Variants in ACRBP observed in about 807,000 individuals in gnomAD.
ACRBP encodes acrosin-binding protein.
ACRBP carries 52 observed loss-of-function variants against 69.0 expected under a neutral mutation model. That is an observed-to-expected ratio of 0.75 (90% CI 0.60 to 0.95). The LOEUF (loss-of-function observed/expected upper bound fraction) is 0.95. Among genes scored for constraint, ACRBP ranks in the 40% least tolerant of loss-of-function variants. ACRBP has a pLI of 0.00. For missense variants in ACRBP, 604 were observed against 673.0 expected (o/e 0.90, Z 1.13); for synonymous variants, 267 against 258.9 (o/e 1.03, Z -0.30).
intron 5 of ACRBP, 147 bp from the exon 6 acceptor site, chr12:6,643,818 T>A: frequency 8.3e-7 from 1 of 1,209,120 alleles, no homozygotes; most frequent in Non-Finnish European, 1.1e-6. Flanking sequence ...TCTGGACAAA[T>A]CGCCTCATTT....
rs1555077932 is a variant in ACRBP at position 6,640,493 on chromosome 12, C to T, written c.1107G>A (p.Met369Ile). The change falls in exon 7 of 10, where the codon ATG becomes ATA. Residue 369 changes from methionine (M) to isoleucine (I), a missense_variant. Met to Ile is a conservative substitution (Grantham distance 10). Around this residue, in one of 3 missense-constraint regions of ACRBP, gnomAD observed 532 missense variants for 562.9 expected, o/e 0.95. Transcript: ENST00000229243. The surrounding 1 kb of genome is among the most constrained non-coding windows in gnomAD (Gnocchi z 5.3). ...AGAAGTCACAGAGGGCACAGGTAGA[C>T]ATGTGTCGCCGCCCAAGGCTGTCAC... ...SVCDSLGRRH[M>I]STCALCDFCS... is the part of the protein sequence containing the mutation. 3 of 1,614,052 alleles carry T rather than the reference C, an allele frequency of 1.9e-6. No homozygotes were observed. In the Admixed American group the frequency reaches 5.0e-5, roughly 27 times the overall value.
intron 1 of ACRBP, 80 bp downstream of exon 1, chr12:6,647,244 A>G (rs903352771): frequency 6.8e-7 from 1 of 1,476,072 alleles, no homozygotes. Flanking sequence ...GAAGCGATCC[A>G]GAAACCGTAA....
At position 6,640,828 on chromosome 12, in the gene ACRBP, T is replaced by A. The variant is rs1422872562; in HGVS notation, c.1078-306A>T. On this transcript the variant is annotated intron_variant, in intron 6 of 9. Coordinates refer to ENST00000229243, the MANE Select transcript of ACRBP (RefSeq NM_032489.3). The surrounding 1 kb of genome is among the most constrained non-coding windows in gnomAD (Gnocchi z 5.3). ...CTCCAAATCCTCATTGCCAAGTGCC[T>A]GACAGATGTCTGTGATTGGGTGATC... Among the ~76,000 whole-genome samples the A allele has an allele frequency of 6.6e-6, 1 of 152,180 alleles. No individual in the cohort carries two copies. The highest frequency in any genetic ancestry group is 1.5e-5 in the Non-Finnish European group (1 of 68,024).
rs1164286892 is a variant in ACRBP at position 6,638,568 on chromosome 12, G to A, written c.1510-164C>T. On this transcript the variant is annotated intron_variant, in intron 9 of 9. Coordinates refer to ENST00000229243, the MANE Select transcript of ACRBP (RefSeq NM_032489.3). ...CAAATGTGGGTTTTTAAAGCCAGAG[G>A]AGACATCAAGCAGCCCAACCCCTTT... is the stretch of plus-strand genomic sequence containing the variant. 6.2e-5 allele frequency: 76 copies of A among 1,227,720 alleles called. No individual in the cohort carries two copies. The Admixed American group carries it at 1.7e-3, about 28-fold the overall frequency. The allele number at this position is 1,227,720 out of a possible 1,614,324, so 76.1% of individuals were successfully genotyped here.
At position 6,647,384 on chromosome 12, in the gene ACRBP, C is replaced by T. The variant is rs1477839526; in HGVS notation, c.-18G>A. The T allele has an allele frequency of 1.3e-6, 2 of 1,520,764 alleles. No homozygotes were observed. Among genetic ancestry groups the T allele is most frequent in the African/African-American group, 1.4e-5 (1 of 71,468 alleles). 94.2% of individuals were successfully genotyped at this position (1,520,764 alleles called of 1,614,324 possible). On this transcript the variant is annotated 5_prime_UTR_variant, in exon 1 of 10. Transcript: ENST00000229243. ...TTCCTCATGGCCGGAGAAGATCCGC[C>T]CGCGTCCCGTGGACACAAGCCGCCT...
Position 6,640,285 on chromosome 12 carries a change from C to A in ACRBP, c.1257+58G>T. On this transcript the variant is annotated intron_variant, in intron 7 of 9. Coordinates refer to ENST00000229243, the MANE Select transcript of ACRBP (RefSeq NM_032489.3). The surrounding 1 kb of genome is among the most constrained non-coding windows in gnomAD (Gnocchi z 5.3). The stretch of plus-strand genomic sequence containing the variant: ...CCCCTCCCCACCTGCTGGCCACCAC[C>A]ACCCCACCCCTGCCACCCAGTTCTG... 1 of 1,612,558 alleles carries A rather than the reference C, an allele frequency of 6.2e-7. No homozygotes were observed.
rs1415266287 is a variant in ACRBP at position 6,644,544 on chromosome 12, G to A, written c.537C>T (p.Leu179=). Residue 179 remains leucine (L), a synonymous_variant, in exon 5 of 10, where the codon CTC becomes CTT. Coordinates refer to ENST00000229243, the MANE Select transcript of ACRBP (RefSeq NM_032489.3). ...CTCCCAGGGACAAGGAGGATTGTAG[G>A]AGCTCTTCCACGTTGTTGCTGAGCC... ...PERLSNNVEE[L]LQSSLSLGGQ... The A allele has an allele frequency of 8.7e-6, 14 of 1,613,904 alleles. No individual in the cohort carries two copies. The highest frequency in any genetic ancestry group is 1.1e-5 in the Non-Finnish European group (13 of 1,180,016).
rs368274050 is a variant in ACRBP, at chr12:6,640,256, C to T, written c.1258-29G>A. 3.6e-5 allele frequency: 58 copies of T among 1,613,190 alleles called. No homozygotes were observed. Among genetic ancestry groups the T allele is most frequent in the African/African-American group, 1.1e-4 (8 of 75,006 alleles). ...TGGCACAGGAGATAGGGGAGAGGTG[C>T]GTGCCCCTCCCCACCTGCTGGCCAC... On this transcript the variant is annotated intron_variant, in intron 7 of 9. Transcript: ENST00000229243. This position sits in a 1 kb window ranked among gnomAD's most constrained non-coding sequence, Gnocchi z 5.3.
chr12:6,638,870 G>A lies in ACRBP; in HGVS notation c.1509+84C>T, dbSNP rs577111362. The A allele has an allele frequency of 2.2e-4, 350 of 1,591,218 alleles. 4 individuals carry two copies. The South Asian group carries it at 3.4e-3, about 16-fold the overall frequency. On this transcript the variant is annotated intron_variant, in intron 9 of 9. Transcript: ENST00000229243. ...ACCGCTTTCCACATCCTAGCTGCTC[G>A]CAGAGGGGGCCTCAGAATAGACCAG... is the stretch of plus-strand genomic sequence containing the variant.
At chr12:6,641,302 G>A (rs182900296) in intron 6 of ACRBP, among the ~76,000 whole-genome samples, 9 of 152,244 alleles carry the variant, frequency 5.9e-5, no homozygotes, top group African/African-American at 1.7e-4. Context: ...TCAATCCCAC[G>A]GTCCTCCTTC....
At chr12:6,642,255 T>C (rs1949058357) in intron 6 of ACRBP, among the ~76,000 whole-genome samples, 1 of 152,192 alleles carries the variant, frequency 6.6e-6, no homozygotes, top group Non-Finnish European at 1.5e-5. Context: ...CCCCAATCAG[T>C]ATTTTTTTTC....
At chr12:6,646,673 C>T (rs770202103) in intron 2 of ACRBP, 96 bp from the exon 3 acceptor site, 20 of 1,507,122 alleles carry the variant, frequency 1.3e-5, no homozygotes, top group Non-Finnish European at 1.8e-5. Context: ...GTGGAGAGTA[C>T]GAGCTCATGG....
rs922338684 is a variant in ACRBP at position 6,647,358 on chromosome 12, C to T, written c.9G>A (p.Lys3=). Residue 3 remains lysine, a synonymous_variant, in exon 1 of 10, where the codon AAG becomes AAA. Transcript: ENST00000229243. The part of the protein sequence containing the change: MR[K]PAAGFLPSLL... Reference sequence around the variant, plus strand: ...GTGAGGGAAGGAAGCCAGCGGCTGGCTTCCTCATGGCCGGAGAAGATCCGC... The same window carrying T: ...GTGAGGGAAGGAAGCCAGCGGCTGGTTTCCTCATGGCCGGAGAAGATCCGC... 4 of 1,541,754 alleles carry T rather than the reference C, an allele frequency of 2.6e-6. No individual in the cohort carries two copies. The Admixed American group carries it at 6.3e-5, about 24-fold the overall frequency.
At position 6,638,086 on chromosome 12, in the gene ACRBP, A is replaced by C. The variant is rs556293213; in HGVS notation, c.*196T>G. The C allele has an allele frequency of 1.8e-4, 124 of 692,378 alleles. 1 individual carries two copies. In the African/African-American group the frequency reaches 1.9e-3, roughly 10 times the overall value. 42.9% of individuals were successfully genotyped at this position (692,378 alleles called of 1,614,324 possible). On this transcript the variant is annotated 3_prime_UTR_variant, in exon 10 of 10. Coordinates refer to ENST00000229243, the MANE Select transcript of ACRBP (RefSeq NM_032489.3). ...CAGGCCACACAGGCTGAAGATCAAC[A>C]TTTTATGTAAAGTCATCTTTTAAGG...
Position 6,647,023 on chromosome 12 carries a change from G to A in ACRBP, c.44-11C>T. On this transcript the variant is annotated splice_polypyrimidine_tract_variant and intron_variant, in intron 1 of 9. Coordinates refer to ENST00000229243, the MANE Select transcript of ACRBP (RefSeq NM_032489.3). ...GAGGCAGGAGCAGCACTGCGGAGCG[G>A]GCGAACGGATGATGGAAGGACCGAA... The A allele has an allele frequency of 6.8e-6, 11 of 1,606,160 alleles. No individual in the cohort carries two copies. The highest frequency in any genetic ancestry group is 9.3e-6 in the Non-Finnish European group (11 of 1,179,206).
intron 9 of ACRBP, chr12:6,638,632 G>A: frequency 2.3e-6 from 3 of 1,324,026 alleles, no homozygotes; most frequent in Non-Finnish European, 3.0e-6. Flanking sequence ...AGGGGGAAGT[G>A]CCTCATCCCA....
rs1198598645 is a variant in ACRBP, at chr12:6,638,975, CA to C, written c.1487del (p.Leu496ArgfsTer2). On this transcript the variant is annotated frameshift_variant, in exon 9 of 10. Coordinates refer to ENST00000229243, the MANE Select transcript of ACRBP (RefSeq NM_032489.3). LOFTEE classifies it high-confidence loss of function. ...TCACCTTCCGATTGCGGTTTCTCATCAGACACTGCTGGCTTTTGAAGGAACA... is the reference window on the plus strand; with the variant it reads ...TCACCTTCCGATTGCGGTTTCTCATCGACACTGCTGGCTTTTGAAGGAACA... ...NYCSFKSQQC[L>X]MRNRNRKVSR... 4 of 1,614,064 alleles carry C rather than the reference CA, an allele frequency of 2.5e-6. No homozygotes were observed. The highest frequency in any genetic ancestry group is 3.4e-6 in the Non-Finnish European group (4 of 1,180,030).
In ACRBP at chr12:6,639,908, T is replaced by C. The variant is rs1949038888; in HGVS notation, c.1425+152A>G. The C allele has an allele frequency of 3.2e-6, 3 of 936,210 alleles. No individual in the cohort carries two copies. In the East Asian group the frequency reaches 7.9e-5, roughly 25 times the overall value. 58.0% of individuals were successfully genotyped at this position (936,210 alleles called of 1,614,324 possible). Reference sequence around the variant, plus strand: ...GAGGGTGGGGTGGGGTGCAATGGTCTCTTGGAGAGAGGCAGGAGATTCAGT... The same window carrying C: ...GAGGGTGGGGTGGGGTGCAATGGTCCCTTGGAGAGAGGCAGGAGATTCAGT... On this transcript the variant is annotated intron_variant, in intron 8 of 9. Transcript: ENST00000229243.
rs774922737 is a variant in ACRBP, at chr12:6,646,597, GAGA to G, written c.263-23_263-21del. 7.5e-6 allele frequency: 12 copies of G among 1,609,766 alleles called. No individual in the cohort carries two copies. The African/African-American group carries it at 1.2e-4, about 16-fold the overall frequency. The stretch of plus-strand genomic sequence containing the variant: ...CAGCACCTGAGAAAGGGCAGGGGTG[GAGA>G]AGATGAACCCGTGGGGAGCTTGGGG... On this transcript the variant is annotated intron_variant, in intron 2 of 9. Transcript: ENST00000229243.
Sources: gnomAD v4.1 joint callset for allele counts (sites outside exome capture counted in the v4.1 genomes callset) on GRCh38, gnomAD v4.1.1 for gene constraint, gnomAD v4.1.1 regional missense constraint, Gnocchi (gnomAD v3.1) non-coding constraint, MANE v1.5 for transcripts, NCBI Gene and HGNC (gene_info 2026-07-23, HGNC 2026-07-21) for gene names.